The following CFAP221 variants were observed in gnomAD, a reference collection of about 807,000 sequenced individuals.
CFAP221 encodes cilia- and flagella-associated protein 221.
A neutral mutation model predicts 113.1 loss-of-function variants in CFAP221; 97 were observed. That is an observed-to-expected ratio of 0.86 (90% CI 0.73 to 1.02). CFAP221 has a LOEUF of 1.02. CFAP221 is among the 50% of genes least tolerant of loss of function. The probability of loss-of-function intolerance (pLI) is 0.00; values close to 1 mark genes in which losing one functional copy is unlikely to be tolerated. For missense variants in CFAP221, 1,025 were observed against 1,013.4 expected, an observed-to-expected ratio of 1.01 and a Z score of -0.16; for synonymous variants, 331 against 354.4, an observed-to-expected ratio of 0.93 and a Z score of 0.74.
chr2:119,551,357 A>G (rs540170692), intron 3 of CFAP221, among the ~76,000 whole-genome samples: 1 of 152,370 alleles, frequency 6.6e-6, no homozygotes, highest in South Asian at 2.1e-4. Context: ...TAACAAAGTC[A>G]TAAAGACTTA....
At chr2:119,549,285 C>A in intron 3 of CFAP221, 100 bp downstream of exon 3, 1 of 942,524 alleles carries the variant, frequency 1.1e-6, no homozygotes, top group Non-Finnish European at 1.5e-6. Context: ...CATAATCAGC[C>A]GTAGTGCAAG....
At chr2:119,550,059 G>C (rs933531738) in intron 3 of CFAP221, among the ~76,000 whole-genome samples, 3 of 152,168 alleles carry the variant, frequency 2.0e-5, no homozygotes, top group Non-Finnish European at 4.4e-5. Flanking sequence ...AACTACTCCA[G>C]TTCGGCCCTA....
Position 119,546,149 on chromosome 2 carries a change from C to T in CFAP221, c.18C>T (p.Thr6=). Residue 6 remains threonine, a synonymous_variant, in exon 2 of 24, where the codon ACC becomes ACT. Coordinates refer to ENST00000413369, the MANE Select transcript of CFAP221 (RefSeq NM_001271049.2). ...ATGATAAAATGGCAGTGGTGAAAAC[C>T]CCCAGCAGAGGACTAAAGAATGCTA... MAVVK[T]PSRGLKNAKE... The T allele has an allele frequency of 6.5e-7, 1 of 1,533,804 alleles. No homozygotes were observed. The highest frequency in any genetic ancestry group is 8.7e-7 in the Non-Finnish European group (1 of 1,146,294).
intron 7 of CFAP221, among the ~76,000 whole-genome samples, chr2:119,596,034 T>C (rs544238140): frequency 2.3e-4 from 35 of 151,488 alleles, no homozygotes; most frequent in African/African-American, 7.8e-4. Flanking sequence ...CCTGCAGGGG[T>C]TCGAGGAGGG....
chr2:119,594,364 T>G (rs1683810081), intron 7 of CFAP221, among the ~76,000 whole-genome samples: 1 of 152,054 alleles, frequency 6.6e-6, no homozygotes, highest in African/African-American at 2.4e-5. Flanking sequence ...GCCCCCTGAG[T>G]AGCTGAGACC....
At chr2:119,546,764 A>G (rs1337780451) in intron 2 of CFAP221, among the ~76,000 whole-genome samples, 2 of 152,228 alleles carry the variant, frequency 1.3e-5, no homozygotes, top group African/African-American at 2.4e-5. Flanking sequence ...AGCTCTGGCT[A>G]CATGAGGTTC....
chr2:119,619,947 C>G (rs1412578439), intron 14 of CFAP221, among the ~76,000 whole-genome samples: 5 of 151,958 alleles, frequency 3.3e-5, no homozygotes, highest in Non-Finnish European at 7.4e-5. Flanking sequence ...GAAGAATACA[C>G]AAGTATCAAG....
intron 23 of CFAP221, 81 bp downstream of exon 23, chr2:119,652,150 G>A (rs949212257): frequency 9.2e-7 from 1 of 1,092,340 alleles, no homozygotes; most frequent in Non-Finnish European, 1.3e-6. Context: ...GTGTCATGTT[G>A]TCTGAGTCTA....
intron 6 of CFAP221, among the ~76,000 whole-genome samples, chr2:119,577,524 C>T (rs1682535253): frequency 6.6e-6 from 1 of 152,168 alleles, no homozygotes; most frequent in Non-Finnish European, 1.5e-5. Flanking sequence ...TAGAGACCTA[C>T]AAGAGGGGCT....
intron 8 of CFAP221, among the ~76,000 whole-genome samples, chr2:119,602,272 G>A (rs1372522507): frequency 6.6e-6 from 1 of 152,068 alleles, no homozygotes; most frequent in Non-Finnish European, 1.5e-5. Context: ...CAGCTACTTG[G>A]GAGGCTGAAG....
chr2:119,635,598 T>C (rs990936841), intron 19 of CFAP221, among the ~76,000 whole-genome samples: 3 of 152,164 alleles, frequency 2.0e-5, no homozygotes, highest in African/African-American at 7.2e-5. Flanking sequence ...GAAATGTTCA[T>C]TATGTTTATG....
intron 3 of CFAP221, among the ~76,000 whole-genome samples, chr2:119,557,958 C>CAAAAA (rs11286852): frequency 1.9e-5 from 2 of 104,024 alleles, no homozygotes; most frequent in Non-Finnish European, 4.1e-5. Context: ...GACTCCGTCT[C>CAAAAA]AAAAAAAAAA....
At chr2:119,638,017 A>G (rs1430838126) in intron 19 of CFAP221, 1 of 333,946 alleles carries the variant, frequency 3.0e-6, no homozygotes, top group African/African-American at 2.1e-5. Flanking sequence ...TAGTAAACCC[A>G]TATGGTTTGT....
At chr2:119,603,043 T>C (rs1387501128) in intron 8 of CFAP221, among the ~76,000 whole-genome samples, 1 of 152,148 alleles carries the variant, frequency 6.6e-6, no homozygotes, top group Non-Finnish European at 1.5e-5. Flanking sequence ...TTATAACATA[T>C]AAATTCTATC....
chr2:119,648,216 G>A (rs1185441581), intron 22 of CFAP221, among the ~76,000 whole-genome samples: 1 of 152,152 alleles, frequency 6.6e-6, no homozygotes, highest in Non-Finnish European at 1.5e-5. Context: ...CACTTGGTAG[G>A]CAAGCAACAG....
chr2:119,623,892 G>A (rs1558972104), intron 14 of CFAP221, among the ~76,000 whole-genome samples: 1 of 152,172 alleles, frequency 6.6e-6, no homozygotes, highest in African/African-American at 2.4e-5. Flanking sequence ...AGACTTAAAT[G>A]TTAGACCTAA....
At chr2:119,573,955 A>G (rs906121548) in intron 6 of CFAP221, among the ~76,000 whole-genome samples, 1 of 152,214 alleles carries the variant, frequency 6.6e-6, no homozygotes, top group African/African-American at 2.4e-5. Flanking sequence ...CGCCACCTTG[A>G]TATAGTCAAC....
At chr2:119,600,715 T>C (rs889943907) in intron 7 of CFAP221, among the ~76,000 whole-genome samples, 7 of 152,192 alleles carry the variant, frequency 4.6e-5, no homozygotes, top group Admixed American at 4.6e-4. Context: ...AGCCCACTTA[T>C]ATTCAGATTT....
chr2:119,570,042 C>G (rs552035007), intron 6 of CFAP221, among the ~76,000 whole-genome samples: 1 of 152,278 alleles, frequency 6.6e-6, no homozygotes, highest in South Asian at 2.1e-4. Context: ...TTTAGTATGT[C>G]TTGTAATTTT....
Sources: allele counts gnomAD v4.1 joint callset (sites outside exome capture counted in the v4.1 genomes callset), GRCh38; gene constraint gnomAD v4.1.1; transcripts MANE v1.5; gene names NCBI Gene and HGNC (gene_info 2026-07-23, HGNC 2026-07-21).